The following LRMDA variants were observed in gnomAD, a reference collection of about 807,000 sequenced individuals.
LRMDA encodes the protein leucine rich melanocyte differentiation associated, also known as leucine-rich melanocyte differentiation-associated protein.
In LRMDA, 18 loss-of-function variants were observed where a neutral mutation model predicts 29.8. The ratio of observed to expected loss-of-function variants is 0.60; its 90% confidence interval spans 0.42 to 0.90. The LOEUF (loss-of-function observed/expected upper bound fraction) is 0.90, where lower values mean the gene tolerates loss of function less well. LRMDA is among the 40% of genes least tolerant of loss of function. LRMDA has a pLI of 0.00. For missense variants in LRMDA, 273 were observed against 273.9 expected, an observed-to-expected ratio of 1.00 and a Z score of 0.02; for synonymous variants, 125 against 109.4, an observed-to-expected ratio of 1.14 and a Z score of -0.89.
intron 6 of LRMDA, among the ~76,000 whole-genome samples, chr10:76,329,827 C>T (rs772335473): frequency 5.3e-5 from 8 of 152,126 alleles, no homozygotes; most frequent in Non-Finnish European, 8.8e-5. Context: ...AAGAAAAAGA[C>T]CGAAAGAAAA....
At chr10:75,632,782 GTTTTTTTTTTT>G (rs386371855) in intron 2 of LRMDA, among the ~76,000 whole-genome samples, 5 of 43,250 alleles carry the variant, frequency 1.2e-4, no homozygotes, top group South Asian at 8.3e-4. Context: ...GTTTAGTTTA[GTTTTTTTTTTT>G]TTTTTTTTTT....
chr10:76,169,333 A>G (rs531411074), intron 5 of LRMDA, among the ~76,000 whole-genome samples: 1 of 152,304 alleles, frequency 6.6e-6, no homozygotes, highest in African/African-American at 2.4e-5. Flanking sequence ...TAAGGAAAAC[A>G]TTTTTAAATA....
intron 2 of LRMDA, among the ~76,000 whole-genome samples, chr10:75,880,221 C>T (rs1845271508): frequency 6.6e-6 from 1 of 152,108 alleles, no homozygotes; most frequent in African/African-American, 2.4e-5. Context: ...GGATTAATGT[C>T]AGTTTCTGAA....
chr10:75,997,523 T>G (rs1847491066), intron 2 of LRMDA, among the ~76,000 whole-genome samples: 1 of 152,086 alleles, frequency 6.6e-6, no homozygotes, highest in South Asian at 2.1e-4. Context: ...AGACAAACTC[T>G]TAGAGATGGA....
chr10:76,178,611 G>A (rs1850984869), intron 5 of LRMDA, among the ~76,000 whole-genome samples: 1 of 152,176 alleles, frequency 6.6e-6, no homozygotes, highest in African/African-American at 2.4e-5. Context: ...AGGAATAGGA[G>A]AAACTTCCCT....
At chr10:76,346,557 C>T (rs942559431) in intron 6 of LRMDA, 40 of 152,032 alleles carry the variant, frequency 2.6e-4, no homozygotes, top group Admixed American at 1.6e-3. Flanking sequence ...TATAGAGGTA[C>T]GTGCATATAT....
chr10:76,468,316 C>T (rs1056769338), intron 6 of LRMDA, among the ~76,000 whole-genome samples: 2 of 152,202 alleles, frequency 1.3e-5, no homozygotes, highest in African/African-American at 4.8e-5. Flanking sequence ...AATTTAATTT[C>T]CTTCTTCATC....
At chr10:76,183,409 T>C (rs2132211434) in intron 5 of LRMDA, among the ~76,000 whole-genome samples, 1 of 152,352 alleles carries the variant, frequency 6.6e-6, no homozygotes, top group East Asian at 1.9e-4. Context: ...AAACTGGTTG[T>C]CTGGCAAGAT....
chr10:75,603,895 A>T (rs903681526), intron 2 of LRMDA, among the ~76,000 whole-genome samples: 2 of 152,226 alleles, frequency 1.3e-5, no homozygotes, highest in Non-Finnish European at 2.9e-5. Context: ...TGATGAGGAC[A>T]GCCAAGGATC....
chr10:75,978,392 A>AGCAG (rs903435762), intron 2 of LRMDA, among the ~76,000 whole-genome samples: 128 of 152,202 alleles, frequency 8.4e-4, no homozygotes, highest in African/African-American at 3.0e-3. Context: ...TCCCTCAAGA[A>AGCAG]GCAGGGAGGA....
rs1191387195 is a variant in LRMDA, at chr10:75,690,969, TAA to T, written c.131+252484_131+252485del. On this transcript the variant is annotated intron_variant, in intron 2 of 6. Transcript: ENST00000611255. ...TGCAACAGAGCAAGACCCTGTCTCT[TAA>T]AAAAAAAATATATATATATATATAC... Among the ~76,000 whole-genome samples the T allele has an allele frequency of 1.9e-3, 188 of 96,674 alleles. 2 individuals carry two copies. Among genetic ancestry groups the T allele is most frequent in the African/African-American group, 6.6e-3 (144 of 21,916 alleles). 63.4% of individuals were successfully genotyped at this position (96,674 alleles called of 152,430 possible).
In LRMDA at chr10:76,160,971, C is replaced by G. The variant is rs12253687; in HGVS notation, c.516+102188C>G. ...TGAGAGTGTGGGGGCCTGAAACACC[C>G]GCAAGCAACCGCAAGGGGTGGGAGG... On this transcript the variant is annotated intron_variant, in intron 5 of 6. Transcript: ENST00000611255. Among the ~76,000 whole-genome samples the G allele has an allele frequency of 6.3e-3, 961 of 152,188 alleles. 11 individuals carry two copies. Among genetic ancestry groups the G allele is most frequent in the African/African-American group, 0.021 (889 of 41,532 alleles).
chr10:76,476,451 A>G (rs905406424), intron 6 of LRMDA, among the ~76,000 whole-genome samples: 3 of 152,196 alleles, frequency 2.0e-5, no homozygotes, highest in Non-Finnish European at 4.4e-5. Context: ...ACGGATTCAC[A>G]GCCGAATTCT....
intron 6 of LRMDA, among the ~76,000 whole-genome samples, chr10:76,476,261 A>C (rs1842669893): frequency 6.6e-6 from 1 of 152,202 alleles, no homozygotes; most frequent in Admixed American, 6.6e-5. Context: ...ATCAGAGAAT[A>C]CTATAAACAC....
chr10:75,946,368 CA>C (rs1846476001), intron 2 of LRMDA, among the ~76,000 whole-genome samples: 1 of 152,184 alleles, frequency 6.6e-6, no homozygotes, highest in Non-Finnish European at 1.5e-5. Context: ...GTCCTGTCAC[CA>C]AATGTCACTG....
chr10:75,690,969 T>TAAA (rs1191387195), intron 2 of LRMDA, among the ~76,000 whole-genome samples: 7 of 96,658 alleles, frequency 7.2e-5, no homozygotes, highest in South Asian at 3.8e-4. Flanking sequence ...CCCTGTCTCT[T>TAAA]AAAAAAAAAA....
chr10:76,020,112 G>A (rs1847947738), intron 2 of LRMDA, among the ~76,000 whole-genome samples: 2 of 152,252 alleles, frequency 1.3e-5, no homozygotes, highest in Admixed American at 1.3e-4. Context: ...CACAAGGTGA[G>A]CTGAGGAAGG....
chr10:76,401,567 G>C (rs897069251), intron 6 of LRMDA, among the ~76,000 whole-genome samples: 2 of 152,154 alleles, frequency 1.3e-5, no homozygotes, highest in African/African-American at 4.8e-5. Context: ...CCCTGACATA[G>C]ATTCTAACCC....
chr10:76,104,421 C>T (rs1849446034), intron 5 of LRMDA, among the ~76,000 whole-genome samples: 1 of 152,118 alleles, frequency 6.6e-6, no homozygotes, highest in Non-Finnish European at 1.5e-5. Context: ...GCTACTTCCC[C>T]TCCCATTGCC....
Sources: allele counts gnomAD v4.1 joint callset (sites outside exome capture counted in the v4.1 genomes callset), GRCh38; gene constraint gnomAD v4.1.1; transcripts MANE v1.5; gene names NCBI Gene and HGNC (gene_info 2026-07-23, HGNC 2026-07-21).